CNTROB: variants seen among roughly 807,000 people sequenced by gnomAD.
CNTROB encodes centrobin, centriole duplication and spindle assembly protein.
A neutral mutation model predicts 115.7 loss-of-function variants in CNTROB; 82 were observed. That is an observed-to-expected ratio of 0.71 (90% CI 0.59 to 0.85). The LOEUF is 0.85. CNTROB is among the 40% of genes least tolerant of loss of function. The pLI is 0.00. For synonymous variants in CNTROB, 439 were observed against 456.4 expected (o/e 0.96, Z 0.49); for missense variants, 1,014 against 1,144.4 (o/e 0.89, Z 1.64).
intron 1 of CNTROB, among the ~76,000 whole-genome samples, chr17:7,933,602 T>C (rs1470150479): frequency 6.6e-6 from 1 of 152,128 alleles, no homozygotes; most frequent in Non-Finnish European, 1.5e-5. Context: ...AGCAAACCTA[T>C]GGGGTAGGTT....
At position 7,933,012 on chromosome 17, in the gene CNTROB, C is replaced by T. The variant is rs1598050587; in HGVS notation, c.-68C>T. ...CCAAGTCTTTCTCCGTGAACTTTTC[C>T]TCCTGGACTTTGCTAAAGCAGAACC... On this transcript the variant is annotated 5_prime_UTR_variant, in exon 1 of 19. Transcript: ENST00000563694. The T allele has an allele frequency of 2.6e-6, 4 of 1,536,898 alleles. No homozygotes were observed. The East Asian group carries it at 6.8e-5, about 26-fold the overall frequency.
intron 18 of CNTROB, 83 bp downstream of exon 18, chr17:7,949,240 C>G: frequency 6.4e-7 from 1 of 1,560,500 alleles, no homozygotes; most frequent in South Asian, 1.1e-5. Context: ...CCTGGCTGGC[C>G]CCTCCATTCC....
intron 7 of CNTROB, among the ~76,000 whole-genome samples, chr17:7,937,849 C>T (rs1262519645): frequency 1.3e-5 from 2 of 151,922 alleles, no homozygotes; most frequent in Non-Finnish European, 2.9e-5. Context: ...TTCTGGGACT[C>T]ACCTGCAGAG....
upstream of CNTROB, chr17:7,932,085 T>C: frequency 1.9e-6 from 1 of 537,118 alleles, no homozygotes; most frequent in Non-Finnish European, 3.3e-6. Context: ...TCAGCCAATC[T>C]GTGGCCACCG....
chr17:7,949,052 TC>T, intron 17 of CNTROB, 32 bp from the exon 18 acceptor site: 1 of 1,613,066 alleles, frequency 6.2e-7, no homozygotes, highest in Non-Finnish European at 8.5e-7. Context: ...GGGACGGAGA[TC>T]CCCATCCTCA....
chr17:7,934,639 C>G (rs1972927969), intron 3 of CNTROB, 93 bp downstream of exon 3: 6 of 1,117,016 alleles, frequency 5.4e-6, no homozygotes, highest in Non-Finnish European at 8.1e-6. Flanking sequence ...TTTTGTACCT[C>G]TTAAGAACCC....
rs1294787018 is a variant in CNTROB, at chr17:7,939,793, G to A, written c.1164+44G>A. On this transcript the variant is annotated intron_variant, in intron 8 of 18. Coordinates refer to ENST00000563694, the MANE Select transcript of CNTROB (RefSeq NM_053051.5). The surrounding 1 kb of genome is among the most constrained non-coding windows in gnomAD (Gnocchi z 4.4). ...AGAGCTGAGGAACTAGGGAGTAGAT[G>A]AAGGGCAAAATAATTGAATGGGATG... 1.9e-6 allele frequency: 3 copies of A among 1,550,254 alleles called. No individual in the cohort carries two copies. Among genetic ancestry groups the A allele is most frequent in the South Asian group, 1.1e-5 (1 of 89,300 alleles).
At chr17:7,936,302 A>G (rs773736561) in intron 4 of CNTROB, 64 bp from the exon 5 acceptor site, 3 of 790,700 alleles carry the variant, frequency 3.8e-6, no homozygotes, top group East Asian at 2.4e-5. Context: ...GAGGAGCTGG[A>G]AAGTTTGGTG....
In CNTROB at chr17:7,948,833, T is replaced by G. The variant is rs1178530243; in HGVS notation, c.2513+214T>G. On this transcript the variant is annotated intron_variant, in intron 17 of 18. Coordinates refer to ENST00000563694, the MANE Select transcript of CNTROB (RefSeq NM_053051.5). This position sits in a 1 kb window ranked among gnomAD's most constrained non-coding sequence, Gnocchi z 4.4. The stretch of plus-strand genomic sequence containing the variant: ...CTTTTTTCTTCTAAACAAAAAAATC[T>G]TTTCCCCGGGTCTCTCTACCTTCGT... 6.8e-7 allele frequency: 1 copy of G among 1,461,426 alleles called. No individual in the cohort carries two copies. The highest frequency in any genetic ancestry group is 9.0e-7 in the Non-Finnish European group (1 of 1,106,802). 90.5% of individuals were successfully genotyped at this position (1,461,426 alleles called of 1,614,324 possible). A position where few individuals can be genotyped will look rare whatever the true frequency, so the allele number is the denominator to read the frequency against.
At position 7,947,736 on chromosome 17, in the gene CNTROB, C is replaced by T; in HGVS notation, c.2145+14C>T. On this transcript the variant is annotated intron_variant, in intron 14 of 18. Coordinates refer to ENST00000563694, the MANE Select transcript of CNTROB (RefSeq NM_053051.5). ...TTTTTGCACCAGGTAAGAGAGATTC[C>T]ACCCAGACTAGCTCACTTTCTTCTT... 6.2e-7 allele frequency: 1 copy of T among 1,604,826 alleles called. No homozygotes were observed. Among genetic ancestry groups the T allele is most frequent in the South Asian group, 1.1e-5 (1 of 90,454 alleles).
At chr17:7,945,567 G>A in intron 12 of CNTROB, 161 bp from the exon 13 acceptor site, 1 of 739,454 alleles carries the variant, frequency 1.4e-6, no homozygotes, top group East Asian at 2.7e-5. Context: ...GCCAAGCCTG[G>A]TTCAAACTGC....
chr17:7,948,277 C>T lies in CNTROB; in HGVS notation c.2330C>T (p.Pro777Leu), dbSNP rs749297202. The T allele has an allele frequency of 1.9e-4, 306 of 1,614,140 alleles. 5 individuals carry two copies. The South Asian group carries it at 3.3e-3, about 17-fold the overall frequency. Reference protein sequence around the residue: ...ASSLFRVPEPPSSHSQGSGPS... With the variant: ...ASSLFRVPEPLSSHSQGSGPS... ...AGTCTTTTCCGGGTCCCTGAGCCTC[C>T]CTCCTCCCATTCACAAGGCAGTGGT... Residue 777 changes from proline (P) to leucine (L), a missense_variant, in exon 16 of 19, where the codon CCC becomes CTC. Pro to Leu is a moderately conservative substitution (Grantham distance 98). Transcript: ENST00000563694. This position sits in a 1 kb window ranked among gnomAD's most constrained non-coding sequence, Gnocchi z 4.4.
chr17:7,943,312 A>T lies in CNTROB; in HGVS notation c.1312-79A>T. The T allele has an allele frequency of 9.1e-7, 1 of 1,104,532 alleles. No homozygotes were observed. The highest frequency in any genetic ancestry group is 1.3e-6 in the Non-Finnish European group (1 of 765,128). The allele number at this position is 1,104,532 out of a possible 1,614,324, so 68.4% of individuals were successfully genotyped here. A position where few individuals can be genotyped will look rare whatever the true frequency, so the allele number is the denominator to read the frequency against. On this transcript the variant is annotated intron_variant, in intron 9 of 18. Transcript: ENST00000563694. The surrounding 1 kb of genome is among the most constrained non-coding windows in gnomAD (Gnocchi z 4.7). The stretch of plus-strand genomic sequence containing the variant: ...CATATGAGGGGAAAGTTGGTACTGG[A>T]TTTTGTCTACATTATATCCTCCATC...
chr17:7,941,201 G>GT (rs35656198), intron 9 of CNTROB, among the ~76,000 whole-genome samples: 79,406 of 151,996 alleles, frequency 0.52, 21,219 homozygotes, highest in East Asian at 0.76. Context: ...TATAAAATGT[G>GT]TAAGGACAAA....
Position 7,944,561 on chromosome 17 carries a change from C to G in CNTROB, c.1657C>G (p.Leu553Val). The G allele has an allele frequency of 1.2e-6, 2 of 1,614,124 alleles. No homozygotes were observed. The highest frequency in any genetic ancestry group is 1.7e-6 in the Non-Finnish European group (2 of 1,179,952). ...GCAGCGGGTGGAGCTGGTGGAAAGA[C>G]TGCAGGCCATGCTGCAGGCCCACTG... ...EEQRVELVERLQAMLQAHWDE... is the reference protein window; with the variant it reads ...EEQRVELVERVQAMLQAHWDE... Residue 553 changes from leucine to valine, a missense_variant, in exon 12 of 19, where the codon CTG (leucine) becomes GTG (valine). Physicochemically the swap from Leu to Val is conservative, Grantham distance 32. Transcript: ENST00000563694. This position sits in a 1 kb window ranked among gnomAD's most constrained non-coding sequence, Gnocchi z 4.0.
intron 4 of CNTROB, 57 bp from the exon 5 acceptor site, chr17:7,936,309 G>T (rs1269460086): frequency 1.2e-6 from 1 of 802,308 alleles, no homozygotes; most frequent in Non-Finnish European, 2.3e-6. Context: ...TGGAAAGTTT[G>T]GTGCTGTGGT....
In CNTROB at chr17:7,944,793, TCTAA is replaced by T. The variant is rs966948905; in HGVS notation, c.1734+158_1734+161del. On this transcript the variant is annotated intron_variant, in intron 12 of 18. Transcript: ENST00000563694. This position sits in a 1 kb window ranked among gnomAD's most constrained non-coding sequence, Gnocchi z 4.0. Reference sequence around the variant, plus strand: ...CCTGGGCTCAAGTGATCCTCCCACCTCTAACTCCCAAAGTGCTGGGATTCCAGGC... The same window carrying T: ...CCTGGGCTCAAGTGATCCTCCCACCTCTCCCAAAGTGCTGGGATTCCAGGC... Among the ~76,000 whole-genome samples the T allele has an allele frequency of 2.0e-5, 3 of 152,256 alleles. No homozygotes were observed. The highest frequency in any genetic ancestry group is 1.3e-4 in the Admixed American group (2 of 15,296).
At chr17:7,933,456 T>A in intron 1 of CNTROB, 107 bp downstream of exon 1, 1 of 1,164,700 alleles carries the variant, frequency 8.6e-7, no homozygotes, top group South Asian at 1.6e-5. Flanking sequence ...ACTCTTCCTG[T>A]TGGATTTCAT....
rs768119134 is a variant in CNTROB, at chr17:7,949,096, G to A, written c.2525G>A (p.Arg842Gln). 9 of 1,613,872 alleles carry A rather than the reference G, an allele frequency of 5.6e-6. No homozygotes were observed. Among genetic ancestry groups the A allele is most frequent in the East Asian group, 2.2e-5 (1 of 44,882 alleles). Residue 842 changes from arginine to glutamine, a missense_variant, in exon 18 of 19, where the codon CGA becomes CAA. Physicochemically the swap from Arg to Gln is conservative, Grantham distance 43. Transcript: ENST00000563694. Reference sequence around the variant, plus strand: ...GATTTGTGTAGCAGGACTGATGGCCGAGGGGATAATGTCCCCAGAAGGAAC... The same window carrying A: ...GATTTGTGTAGCAGGACTGATGGCCAAGGGGATAATGTCCCCAGAAGGAAC... ...KRLEHSGTDG[R>Q]GDNVPRRNTD...
Sources: gnomAD v4.1 joint callset for allele counts (sites outside exome capture counted in the v4.1 genomes callset) on GRCh38, gnomAD v4.1.1 for gene constraint, Gnocchi (gnomAD v3.1) non-coding constraint, MANE v1.5 for transcripts, NCBI Gene and HGNC (gene_info 2026-07-23, HGNC 2026-07-21) for gene names.